Variants in ACACA observed in about 807,000 individuals in gnomAD.
The protein encoded by ACACA is acetyl-CoA carboxylase alpha, also known as acetyl-CoA carboxylase 1.
A neutral mutation model predicts 296.1 loss-of-function variants in ACACA; 103 were observed. The ratio of observed to expected loss-of-function variants is 0.35; its 90% CI spans 0.30 to 0.41. The LOEUF (loss-of-function observed/expected upper bound fraction) is 0.41, where lower values mean the gene tolerates loss of function less well. Among genes scored for constraint, ACACA ranks in the 10% least tolerant of loss-of-function variants. The probability of loss-of-function intolerance (pLI) is 1.00; values close to 1 mark genes in which losing one functional copy is unlikely to be tolerated. For synonymous variants in ACACA, 953 were observed against 1,038.6 expected (o/e 0.92, Z 1.58); for missense variants, 1,554 against 2,989.7 (o/e 0.52, Z 11.20).
At chr17:37,404,338 T>C (rs2051391563) in intron 1 of ACACA, among the ~76,000 whole-genome samples, 1 of 152,150 alleles carries the variant, frequency 6.6e-6, no homozygotes, top group African/African-American at 2.4e-5. Context: ...TAATCAACTA[T>C]CTGTTGAACA....
chr17:37,129,496 A>G lies in ACACA; in HGVS notation c.5824-11T>C. ...TGAACTGTGCACGCTCTAAAAGGAG[A>G]TTGGAAGAGAGCACAGCAATCAGTG... On this transcript the variant is annotated splice_polypyrimidine_tract_variant and intron_variant, in intron 46 of 55. Coordinates refer to ENST00000616317, the MANE Select transcript of ACACA (RefSeq NM_198834.3). 1 of 1,613,800 alleles carries G rather than the reference A, an allele frequency of 6.2e-7. No homozygotes were observed. The highest frequency in any genetic ancestry group is 8.5e-7 in the Non-Finnish European group (1 of 1,179,846).
At chr17:37,244,566 C>G in intron 21 of ACACA, 22 bp downstream of exon 21, 1 of 1,613,498 alleles carries the variant, frequency 6.2e-7, no homozygotes, top group East Asian at 2.2e-5. Flanking sequence ...TACATCCCTT[C>G]CCCAGGAGAC....
chr17:37,165,887 G>C (rs2076647172), intron 41 of ACACA, among the ~76,000 whole-genome samples: 1 of 152,022 alleles, frequency 6.6e-6, no homozygotes, highest in Non-Finnish European at 1.5e-5. Context: ...ATGTTGCCCA[G>C]GCTGGTCTCA....
chr17:37,358,231 TCCACTCTC>T (rs2049232257), intron 1 of ACACA, among the ~76,000 whole-genome samples: 1 of 152,216 alleles, frequency 6.6e-6, no homozygotes, highest in African/African-American at 2.4e-5. Context: ...TCCATTAGTG[TCCACTCTC>T]CCACTCTCAA....
intron 1 of ACACA, among the ~76,000 whole-genome samples, chr17:37,345,569 A>C (rs1346248819): frequency 6.6e-6 from 1 of 152,182 alleles, no homozygotes; most frequent in Non-Finnish European, 1.5e-5. Context: ...AAAAACAAAT[A>C]ACTACCTGTA....
At chr17:37,173,979 AATTT>A (rs1358704887) in intron 41 of ACACA, among the ~76,000 whole-genome samples, 5 of 41,870 alleles carry the variant, frequency 1.2e-4, no homozygotes, top group African/African-American at 3.9e-4. Context: ...ACGCCTGGCT[AATTT>A]ATATATATAT....
intron 23 of ACACA, among the ~76,000 whole-genome samples, chr17:37,241,234 C>A (rs948679865): frequency 1.3e-5 from 2 of 151,386 alleles, no homozygotes; most frequent in Non-Finnish European, 2.9e-5. Context: ...TAAATATGCT[C>A]TGTGAATATC....
chr17:37,175,591 A>G (rs2077082183), intron 41 of ACACA, among the ~76,000 whole-genome samples: 1 of 152,252 alleles, frequency 6.6e-6, no homozygotes, highest in Admixed American at 6.5e-5. Flanking sequence ...CCAACACAGC[A>G]GCTAGAAATG....
At chr17:37,404,805 T>C (rs2147862345) in intron 1 of ACACA, among the ~76,000 whole-genome samples, 1 of 152,160 alleles carries the variant, frequency 6.6e-6, no homozygotes, top group South Asian at 2.1e-4. Flanking sequence ...CTCGAACTTC[T>C]AACCTCAAGT....
chr17:37,243,637 G>A (rs2080532090), intron 21 of ACACA, 78 bp from the exon 22 acceptor site: 1 of 1,486,276 alleles, frequency 6.7e-7, no homozygotes, highest in South Asian at 1.1e-5. Context: ...TTGTCATTCT[G>A]TATACGTGGG....
chr17:37,390,236 A>AT (rs60155205), intron 1 of ACACA, among the ~76,000 whole-genome samples: 16 of 50,032 alleles, frequency 3.2e-4, no homozygotes, highest in African/African-American at 2.4e-3. Context: ...AATTATATAT[A>AT]ATATATTATA....
At chr17:37,343,170 G>A (rs1403853152) in intron 1 of ACACA, among the ~76,000 whole-genome samples, 3 of 151,840 alleles carry the variant, frequency 2.0e-5, no homozygotes, top group African/African-American at 7.3e-5. Context: ...TAGAGACGGC[G>A]TTTCACCATG....
At chr17:37,175,301 C>T (rs2077068038) in intron 41 of ACACA, among the ~76,000 whole-genome samples, 1 of 152,188 alleles carries the variant, frequency 6.6e-6, no homozygotes, top group Non-Finnish European at 1.5e-5. Flanking sequence ...CCGTTACAGC[C>T]CTTGGCTTGA....
chr17:37,270,711 A>T, intron 10 of ACACA, 40 bp downstream of exon 10: 1 of 1,393,718 alleles, frequency 7.2e-7, no homozygotes, highest in Non-Finnish European at 1.0e-6. Flanking sequence ...TCTCTGATAT[A>T]CATGTTAGTT....
chr17:37,327,009 A>C (rs2047654683), intron 3 of ACACA, among the ~76,000 whole-genome samples: 1 of 152,152 alleles, frequency 6.6e-6, no homozygotes, highest in African/African-American at 2.4e-5. Context: ...GTCCCATCTT[A>C]CATTATGGCA....
intron 17 of ACACA, 32 bp downstream of exon 17, chr17:37,248,557 AAAGT>A (rs750691557): frequency 4.7e-6 from 7 of 1,494,964 alleles, no homozygotes; most frequent in African/African-American, 2.8e-5. Context: ...GATAGCTAAA[AAAGT>A]AAGGTGCAAG....
At chr17:37,241,929 G>C in intron 23 of ACACA, 24 bp downstream of exon 23, 1 of 1,583,526 alleles carries the variant, frequency 6.3e-7, no homozygotes, top group Non-Finnish European at 8.7e-7. Context: ...ACAGGTCTGG[G>C]AATCTGGAGT....
intron 3 of ACACA, among the ~76,000 whole-genome samples, chr17:37,304,463 T>A (rs992911628): frequency 1.3e-5 from 2 of 152,094 alleles, no homozygotes; most frequent in Admixed American, 6.6e-5. Flanking sequence ...AGCTGAGAAG[T>A]TCTATTTATT....
Position 37,242,131 on chromosome 17 carries a change from A to G in ACACA, c.2932-78T>C. The G allele has an allele frequency of 7.4e-6, 8 of 1,080,610 alleles. No homozygotes were observed. In the South Asian group the frequency reaches 1.0e-4, roughly 14 times the overall value. 66.9% of individuals were successfully genotyped at this position (1,080,610 alleles called of 1,614,324 possible). ...AAGCATCAGCCTCTATAGCACGACC[A>G]GTAGGAATCTTCTTCTTATAACATG... On this transcript the variant is annotated intron_variant, in intron 22 of 55. Transcript: ENST00000616317.
Sources: allele counts gnomAD v4.1 joint callset (sites outside exome capture counted in the v4.1 genomes callset), GRCh38; gene constraint gnomAD v4.1.1; transcripts MANE v1.5; gene names NCBI Gene and HGNC (gene_info 2026-07-23, HGNC 2026-07-21).